LACTB2: variants seen among roughly 807,000 people sequenced by gnomAD.
LACTB2 encodes endoribonuclease LACTB2.
A neutral mutation model predicts 34.8 loss-of-function variants in LACTB2; 32 were observed. The ratio of observed to expected loss-of-function variants is 0.92; its 90% CI spans 0.69 to 1.24. The LOEUF is 1.24. Among genes scored for constraint, LACTB2 ranks in the 50% most tolerant of loss-of-function variants. The probability of loss-of-function intolerance (pLI) is 0.00; values close to 1 mark genes in which losing one functional copy is unlikely to be tolerated. For synonymous variants in LACTB2, 120 were observed against 117.5 expected (o/e 1.02, Z -0.14); for missense variants, 320 against 345.0 (o/e 0.93, Z 0.57).
At chr8:70,668,800 T>C (rs1429515706) in intron 1 of LACTB2, among the ~76,000 whole-genome samples, 199 bp downstream of exon 1, 1 of 147,774 alleles carries the variant, frequency 6.8e-6, no homozygotes, top group Non-Finnish European at 1.5e-5. Context: ...ATTAGAGAGC[T>C]ATCACCTGGG....
At chr8:70,642,256 A>AC (rs1563402464) in intron 4 of LACTB2, among the ~76,000 whole-genome samples, 2 of 150,616 alleles carry the variant, frequency 1.3e-5, no homozygotes, top group African/African-American at 2.5e-5. Flanking sequence ...AAACAAACAA[A>AC]CCCCCCCAAA....
Position 70,637,895 on chromosome 8 carries a change from T to C in LACTB2, c.832A>G (p.Thr278Ala). Reference protein sequence around the residue: ...LEKEGKIFSNTDPDKKWKAHL With the variant: ...LEKEGKIFSNADPDKKWKAHL ...GCTTTCCATTTCTTGTCAGGATCTGTGTTGCTAACTGTAAAAAGAAAATCA... is the reference window on the plus strand; with the variant it reads ...GCTTTCCATTTCTTGTCAGGATCTGCGTTGCTAACTGTAAAAAGAAAATCA... The change falls in exon 7 of 7, where the codon ACA (threonine) becomes GCA (alanine). Residue 278 changes from threonine to alanine, a missense_variant. By Grantham distance (58) the Thr-to-Ala change is moderately conservative. Coordinates refer to ENST00000276590, the MANE Select transcript of LACTB2 (RefSeq NM_016027.3). 6.5e-7 allele frequency: 1 copy of C among 1,542,358 alleles called. No individual in the cohort carries two copies. The highest frequency in any genetic ancestry group is 8.8e-7 in the Non-Finnish European group (1 of 1,141,852).
At chr8:70,667,217 T>C (rs770769861) in intron 1 of LACTB2, among the ~76,000 whole-genome samples, 13 of 152,162 alleles carry the variant, frequency 8.5e-5, no homozygotes, top group Non-Finnish European at 1.9e-4. Flanking sequence ...GAGGGAGTCG[T>C]CAATGGTGTC....
chr8:70,652,494 T>G (rs777873256), intron 3 of LACTB2: 19 of 152,238 alleles, frequency 1.2e-4, no homozygotes, highest in Non-Finnish European at 2.5e-4. Context: ...GTGTCTGTTT[T>G]TGATTCTTTT....
intron 3 of LACTB2, among the ~76,000 whole-genome samples, chr8:70,647,256 ATTT>A (rs199728297): frequency 6.9e-6 from 1 of 145,224 alleles, no homozygotes; most frequent in Admixed American, 6.9e-5. Flanking sequence ...TATATATATA[ATTT>A]TTTTTTTTTT....
rs144726702 is a variant in LACTB2 at position 70,655,811 on chromosome 8, C to T, written c.413+1945G>A. On this transcript the variant is annotated intron_variant, in intron 3 of 6. Transcript: ENST00000276590. Reference sequence around the variant, plus strand: ...TAGTGGTTGTACTAATTTACATTCCCACCAGCAGTGTAGAAAGTGTCCCCT... The same window carrying T: ...TAGTGGTTGTACTAATTTACATTCCTACCAGCAGTGTAGAAAGTGTCCCCT... Among the ~76,000 whole-genome samples, 1,260 of 152,294 alleles carry T rather than the reference C, an allele frequency of 8.3e-3. 17 individuals are homozygous for T. Among genetic ancestry groups the T allele is most frequent in the African/African-American group, 0.029 (1,185 of 41,542 alleles).
At chr8:70,653,665 C>G (rs1305286252) in intron 3 of LACTB2, 1 of 152,156 alleles carries the variant, frequency 6.6e-6, no homozygotes, top group Non-Finnish European at 1.5e-5. Context: ...AGTTACTAAA[C>G]CCATTTCCTC....
intron 1 of LACTB2, 122 bp from the exon 2 acceptor site, chr8:70,662,019 A>G (rs962775957): frequency 2.6e-6 from 2 of 765,840 alleles, no homozygotes; most frequent in Non-Finnish European, 4.0e-6. Flanking sequence ...AACATGCACA[A>G]AAACCAGCTA....
chr8:70,656,941 G>C (rs1436108248), intron 3 of LACTB2, among the ~76,000 whole-genome samples: 3 of 152,144 alleles, frequency 2.0e-5, no homozygotes, highest in Non-Finnish European at 2.9e-5. Flanking sequence ...TAATCCTGAA[G>C]CCTCTGTCTT....
intron 2 of LACTB2, chr8:70,661,113 C>T (rs746759625): frequency 1.6e-4 from 74 of 451,156 alleles, no homozygotes; most frequent in Admixed American, 2.4e-5. Flanking sequence ...ACCTTCCCTA[C>T]TGGAATGAAA....
chr8:70,661,657 C>T, intron 2 of LACTB2, 77 bp downstream of exon 2: 5 of 1,330,522 alleles, frequency 3.8e-6, no homozygotes, highest in Non-Finnish European at 5.2e-6. Context: ...TTATAGACTA[C>T]TTAGCTCTGT....
rs1818586987 is a variant in LACTB2 at position 70,669,040 on chromosome 8, G to A, written c.81C>T (p.Thr27=). ...CTAGGTAGGTGTTGGTGCCTTGGAG[G>A]GTCATGGGACCCGGGTTACAGCCCA... ...RVLGCNPGPM[T]LQGTNTYLVG... is the part of the protein sequence containing the mutation. The change falls in exon 1 of 7, where the codon ACC becomes ACT. Residue 27 remains threonine (T), a synonymous_variant. Coordinates refer to ENST00000276590, the MANE Select transcript of LACTB2 (RefSeq NM_016027.3). The A allele has an allele frequency of 1.1e-5, 17 of 1,609,284 alleles. No individual in the cohort carries two copies. Among genetic ancestry groups the A allele is most frequent in the East Asian group, 4.5e-5 (2 of 44,670 alleles).
At chr8:70,641,912 G>A (rs975295906) in intron 4 of LACTB2, among the ~76,000 whole-genome samples, 2 of 152,158 alleles carry the variant, frequency 1.3e-5, no homozygotes, top group Non-Finnish European at 2.9e-5. Context: ...GCTAATAAAT[G>A]AGGAAGTATC....
intron 3 of LACTB2, among the ~76,000 whole-genome samples, chr8:70,655,327 C>A (rs1818396906): frequency 6.6e-6 from 1 of 151,258 alleles, no homozygotes; most frequent in African/African-American, 2.4e-5. Flanking sequence ...TCAAGCAATT[C>A]TCCTACCTCA....
chr8:70,638,488 A>C, intron 6 of LACTB2, 60 bp downstream of exon 6: 1 of 1,467,808 alleles, frequency 6.8e-7, no homozygotes, highest in Non-Finnish European at 9.1e-7. Flanking sequence ...AAGGAAACTA[A>C]GGCATCTGTA....
At chr8:70,666,675 A>G (rs1818535770) in intron 1 of LACTB2, among the ~76,000 whole-genome samples, 1 of 152,240 alleles carries the variant, frequency 6.6e-6, no homozygotes, top group Non-Finnish European at 1.5e-5. Flanking sequence ...AGGCTATTAC[A>G]GTAGCCTAAG....
intron 1 of LACTB2, among the ~76,000 whole-genome samples, chr8:70,668,747 A>ATTTTTTTTT (rs1818572709): frequency 9.8e-6 from 1 of 102,528 alleles, no homozygotes; most frequent in African/African-American, 5.2e-5. Context: ...TCAAAACAGA[A>ATTTTTTTTT]GTTTTTTTTT....
intron 1 of LACTB2, chr8:70,662,329 T>C (rs35214141): frequency 0.4 from 62,247 of 153,798 alleles, 14,189 homozygotes; most frequent in Non-Finnish European, 0.52. Flanking sequence ...AATATGTGCT[T>C]TTATCTATCT....
intron 2 of LACTB2, among the ~76,000 whole-genome samples, chr8:70,658,963 G>A (rs1818447911): frequency 6.6e-6 from 1 of 152,134 alleles, no homozygotes; most frequent in Non-Finnish European, 1.5e-5. Context: ...GGAGGCGGAG[G>A]TTGCAGTGAG....
Sources: gnomAD v4.1 joint callset for allele counts (sites outside exome capture counted in the v4.1 genomes callset) on GRCh38, gnomAD v4.1.1 for gene constraint, MANE v1.5 for transcripts, NCBI Gene and HGNC (gene_info 2026-07-23, HGNC 2026-07-21) for gene names.